Variants in METTL15 observed in about 807,000 individuals in gnomAD.
METTL15 encodes 12S rRNA N(4)-cytidine methyltransferase METTL15.
METTL15 carries 34 observed loss-of-function variants against 38.3 expected under a neutral mutation model. That is an observed-to-expected ratio of 0.89 (90% CI 0.68 to 1.18). The LOEUF is 1.18. METTL15 is among the 50% of genes most tolerant of loss of function. The pLI is 0.00. For missense variants in METTL15, 438 were observed against 498.4 expected, an observed-to-expected ratio of 0.88 and a Z score of 1.15; for synonymous variants, 162 against 170.9, an observed-to-expected ratio of 0.95 and a Z score of 0.41.
At chr11:28,501,603 C>T (rs969868053) in intron 6 of METTL15, among the ~76,000 whole-genome samples, 1 of 152,046 alleles carries the variant, frequency 6.6e-6, no homozygotes, top group South Asian at 2.1e-4. Flanking sequence ...ACAGCCACAC[C>T]GTCACGGAAG....
intron 6 of METTL15, among the ~76,000 whole-genome samples, chr11:28,445,719 G>A (rs1477532016): frequency 2.6e-5 from 4 of 151,978 alleles, no homozygotes; most frequent in East Asian, 1.9e-4. Context: ...TGGCATGATC[G>A]CGACTCACTG....
intron 4 of METTL15, among the ~76,000 whole-genome samples, chr11:28,284,450 C>T (rs774664849): frequency 5.9e-5 from 9 of 152,024 alleles, no homozygotes; most frequent in African/African-American, 1.2e-4. Flanking sequence ...TGGACAGTAG[C>T]GATTTGTTAT....
At chr11:28,225,152 A>G (rs1420172420) in intron 4 of METTL15, among the ~76,000 whole-genome samples, 5 of 151,794 alleles carry the variant, frequency 3.3e-5, no homozygotes, top group Middle Eastern at 3.4e-3. Flanking sequence ...TTTAAATTCT[A>G]TCTTGGGATT....
chr11:28,338,787 G>A (rs1849923945), intron 3 of METTL15, among the ~76,000 whole-genome samples: 1 of 152,082 alleles, frequency 6.6e-6, no homozygotes, highest in Non-Finnish European at 1.5e-5. Context: ...TACAAACCAG[G>A]ACTTCAGCTT....
chr11:28,372,750 A>C (rs1221662712), intron 5 of METTL15, among the ~76,000 whole-genome samples: 5 of 145,562 alleles, frequency 3.4e-5, no homozygotes, highest in Non-Finnish European at 4.5e-5. Flanking sequence ...GGTATATCTC[A>C]TAATGCTATC....
chr11:28,202,078 G>A (rs917274929), intron 3 of METTL15, among the ~76,000 whole-genome samples: 1 of 152,120 alleles, frequency 6.6e-6, no homozygotes, highest in African/African-American at 2.4e-5. Flanking sequence ...GATGTGACAT[G>A]CTAAAGTTTT....
chr11:28,260,841 A>G (rs1201845895), intron 4 of METTL15, among the ~76,000 whole-genome samples: 2 of 152,168 alleles, frequency 1.3e-5, no homozygotes, highest in Non-Finnish European at 2.9e-5. Context: ...TACCAAAAGA[A>G]TCTGAAATTT....
At chr11:28,121,653 T>C (rs1373056409) in intron 3 of METTL15, among the ~76,000 whole-genome samples, 1 of 152,148 alleles carries the variant, frequency 6.6e-6, no homozygotes, top group Non-Finnish European at 1.5e-5. Context: ...TTATGGTTTT[T>C]AGAAATAGAC....
At chr11:28,377,294 C>A (rs1450283481) in intron 5 of METTL15, among the ~76,000 whole-genome samples, 1 of 151,814 alleles carries the variant, frequency 6.6e-6, no homozygotes, top group Admixed American at 6.6e-5. Context: ...CTTTCAGGTA[C>A]ACCAATCAGA....
At chr11:28,446,833 C>G (rs1851079449) in intron 6 of METTL15, among the ~76,000 whole-genome samples, 1 of 151,998 alleles carries the variant, frequency 6.6e-6, no homozygotes, top group Admixed American at 6.6e-5. Context: ...TTCCATACCC[C>G]TAATCACATT....
At chr11:28,342,573 A>AT (rs753434012) in intron 3 of METTL15, among the ~76,000 whole-genome samples, 12 of 152,182 alleles carry the variant, frequency 7.9e-5, no homozygotes, top group Middle Eastern at 6.8e-3. Context: ...CCATTCTTGG[A>AT]TTTTATAAGC....
chr11:28,280,158 T>C (rs2133972007), intron 4 of METTL15, among the ~76,000 whole-genome samples: 1 of 152,284 alleles, frequency 6.6e-6, no homozygotes, highest in Admixed American at 6.5e-5. Flanking sequence ...TCCCATTTTT[T>C]CCCATTTTTC....
intron 6 of METTL15, among the ~76,000 whole-genome samples, chr11:28,313,383 A>G (rs1224346757): frequency 6.6e-6 from 1 of 151,972 alleles, no homozygotes; most frequent in African/African-American, 2.4e-5. Context: ...TGAATTCATA[A>G]TCATAAAGAT....
At chr11:28,394,843 T>A (rs899410652) in intron 5 of METTL15, among the ~76,000 whole-genome samples, 3 of 152,114 alleles carry the variant, frequency 2.0e-5, no homozygotes, top group African/African-American at 7.2e-5. Context: ...AGTCATGTGT[T>A]ACTTACCTTT....
At chr11:28,244,594 A>C (rs1246308653) in intron 4 of METTL15, among the ~76,000 whole-genome samples, 1 of 152,134 alleles carries the variant, frequency 6.6e-6, no homozygotes, top group Non-Finnish European at 1.5e-5. Context: ...AAAAACTCCT[A>C]CAGGTTATTC....
At chr11:28,112,394 G>C (rs1590732031) in intron 2 of METTL15, among the ~76,000 whole-genome samples, 1 of 152,290 alleles carries the variant, frequency 6.6e-6, no homozygotes, top group East Asian at 1.9e-4. Flanking sequence ...TAACCTGTAA[G>C]GAAAGAATAG....
intron 3 of METTL15, among the ~76,000 whole-genome samples, chr11:28,203,623 C>CCT (rs2133823687): frequency 1.3e-5 from 2 of 152,086 alleles, no homozygotes; most frequent in South Asian, 4.1e-4. Context: ...GACCAGGTAA[C>CCT]CTCTCCAGGC....
chr11:28,445,788 A>T (rs1851070436), intron 6 of METTL15, among the ~76,000 whole-genome samples: 1 of 151,852 alleles, frequency 6.6e-6, no homozygotes, highest in Non-Finnish European at 1.5e-5. Context: ...AGTAGCTGGA[A>T]CTACTGACAT....
At chr11:28,192,460 A>G (rs1240424470) in intron 3 of METTL15, among the ~76,000 whole-genome samples, 3 of 149,138 alleles carry the variant, frequency 2.0e-5, no homozygotes, top group South Asian at 2.1e-4. Flanking sequence ...TTTTACATCT[A>G]TGTTCTGTGA....
Sources: allele counts gnomAD v4.1 joint callset (sites outside exome capture counted in the v4.1 genomes callset), GRCh38; gene constraint gnomAD v4.1.1; transcripts MANE v1.5; gene names NCBI Gene and HGNC (gene_info 2026-07-23, HGNC 2026-07-21).